The following NISCH variants were observed in gnomAD, a reference collection of about 807,000 sequenced individuals.
NISCH encodes the protein nischarin.
In NISCH, 55 loss-of-function variants were observed where a neutral mutation model predicts 138.4. The observed-to-expected ratio is 0.40, with a 90% CI of 0.32 to 0.50. The LOEUF is 0.50. NISCH is among the 20% of genes least tolerant of loss of function. The probability of loss-of-function intolerance (pLI) is 0.71; values close to 1 mark genes in which losing one functional copy is unlikely to be tolerated. For synonymous variants in NISCH, 860 were observed against 861.5 expected, an observed-to-expected ratio of 1.00 and a Z score of 0.03; for missense variants, 1,643 against 2,005.5, an observed-to-expected ratio of 0.82 and a Z score of 3.45.
Position 52,491,377 on chromosome 3 carries a change from G to A in NISCH, c.3768G>A (p.Thr1256=), listed in dbSNP as rs1322282690. The A allele has an allele frequency of 5.0e-6, 8 of 1,612,658 alleles. No homozygotes were observed. In the African/African-American group the frequency reaches 6.7e-5, roughly 13 times the overall value. The change falls in exon 20 of 21, where the codon ACG becomes ACA. Residue 1256 remains threonine, a synonymous_variant. Transcript: ENST00000345716. ...LTGSTPMQVV[T]CLTRDSYLTH... ...GTTCCACCCCGATGCAGGTGGTCAC[G>A]TGCTTGACGCGGGACAGCTACCTGA... is the stretch of plus-strand genomic sequence containing the variant.
At chr3:52,480,462 G>C in intron 13 of NISCH, 167 bp downstream of exon 13, 2 of 1,536,258 alleles carry the variant, frequency 1.3e-6, no homozygotes, top group Non-Finnish European at 1.7e-6. Context: ...CACATGGCAG[G>C]GGTGCCTGGC....
intron 20 of NISCH, 127 bp downstream of exon 20, chr3:52,491,640 G>T: frequency 1.6e-6 from 2 of 1,217,830 alleles, no homozygotes; most frequent in Non-Finnish European, 2.2e-6. Context: ...GCTGGCCAGG[G>T]TTTTATGTGG....
intron 15 of NISCH, among the ~76,000 whole-genome samples, chr3:52,486,855 C>T (rs1707413924): frequency 6.6e-6 from 1 of 152,226 alleles, no homozygotes; most frequent in Non-Finnish European, 1.5e-5. Flanking sequence ...AGTGTTCCTT[C>T]TCTCCGGGGC....
At chr3:52,481,866 T>C in intron 13 of NISCH, 1 of 985,532 alleles carries the variant, frequency 1.0e-6, no homozygotes, top group Non-Finnish European at 1.2e-6. Flanking sequence ...CTTCTGGACA[T>C]GGCCTCCAGA....
At chr3:52,489,233 G>A in intron 16 of NISCH, 103 bp from the exon 17 acceptor site, 2 of 1,385,798 alleles carry the variant, frequency 1.4e-6, no homozygotes, top group Non-Finnish European at 2.0e-6. Context: ...GTAACCCAGA[G>A]GTGATGTGTG....
In NISCH at chr3:52,492,752, G is replaced by A. The variant is rs1207630750; in HGVS notation, c.*270G>A. The A allele has an allele frequency of 8.2e-6, 4 of 488,878 alleles. No individual in the cohort carries two copies. Among genetic ancestry groups the A allele is most frequent in the Non-Finnish European group, 1.4e-5 (4 of 275,944 alleles). The allele number at this position is 488,878 out of a possible 1,614,324, so 30.3% of individuals were successfully genotyped here. A position where few individuals can be genotyped will look rare whatever the true frequency, so the allele number is the denominator to read the frequency against. ...GTGTCGTGTCTGCTGTTGTGGGACC[G>A]TTGTTAACACGTGACACTGTGGGTC... On this transcript the variant is annotated 3_prime_UTR_variant, in exon 21 of 21. Coordinates refer to ENST00000345716, the MANE Select transcript of NISCH (RefSeq NM_007184.4).
intron 13 of NISCH, chr3:52,480,514 C>T (rs991877784): frequency 6.6e-6 from 10 of 1,511,422 alleles, no homozygotes; most frequent in Non-Finnish European, 8.8e-6. Context: ...CTCCCAATTG[C>T]TCTGATGCCC....
chr3:52,491,460 C>T lies in NISCH; in HGVS notation c.3851C>T (p.Ser1284Leu), dbSNP rs201322926. 1.2e-5 allele frequency: 19 copies of T among 1,613,472 alleles called. No individual in the cohort carries two copies. Among genetic ancestry groups the T allele is most frequent in the Admixed American group, 8.3e-5 (5 of 60,010 alleles). The change falls in exon 20 of 21, where the codon TCG becomes TTG. Residue 1284 changes from serine to leucine, a missense_variant. Coordinates refer to ENST00000345716, the MANE Select transcript of NISCH (RefSeq NM_007184.4). ...CTGTCCTCTCTGGAACGCACGCCCT[C>T]GCCGGAGCCTGTTGACAAGGACTTC... ...VVLSSLERTP[S>L]PEPVDKDFYS...
rs770193789 is a variant in NISCH at position 52,473,723 on chromosome 3, C to A, written c.670-11C>A. 1 of 1,570,984 alleles carries A rather than the reference C, an allele frequency of 6.4e-7. No homozygotes were observed. The highest frequency in any genetic ancestry group is 2.3e-5 in the East Asian group (1 of 43,896). On this transcript the variant is annotated splice_polypyrimidine_tract_variant and intron_variant, in intron 6 of 20. Coordinates refer to ENST00000345716, the MANE Select transcript of NISCH (RefSeq NM_007184.4). The stretch of plus-strand genomic sequence containing the variant: ...ATTCTGTTTCTGAGATGCAGCTGTT[C>A]TTTGTTCCAGATAAGTCACTGTGAT...
At chr3:52,481,813 TC>T in intron 13 of NISCH, 1 of 985,372 alleles carries the variant, frequency 1.0e-6, no homozygotes, top group African/African-American at 1.7e-5. Flanking sequence ...CTGGGGACAC[TC>T]TGCAGAGGGG....
At chr3:52,482,345 C>A (rs866663441) in intron 13 of NISCH, among the ~76,000 whole-genome samples, 70 of 152,218 alleles carry the variant, frequency 4.6e-4, no homozygotes, top group African/African-American at 1.6e-3. Flanking sequence ...CCCAGCCTCC[C>A]GTCGTGGCAG....
chr3:52,490,268 G>A (rs1707527083), intron 18 of NISCH, 37 bp downstream of exon 18: 5 of 1,605,336 alleles, frequency 3.1e-6, no homozygotes, highest in Admixed American at 1.7e-5. Flanking sequence ...GGAGCTTGGA[G>A]TGTGTGGTTG....
At chr3:52,484,462 T>TTGGCCGCCCCC in intron 13 of NISCH, 51 bp from the exon 14 acceptor site, 1 of 788,670 alleles carries the variant, frequency 1.3e-6, no homozygotes, top group Non-Finnish European at 1.8e-6. Flanking sequence ...ACAGCCGCTC[T>TTGGCCGCCCCC]CCCCGCCCCA....
chr3:52,471,615 T>C lies in NISCH; in HGVS notation c.410-199T>C, dbSNP rs529128406. On this transcript the variant is annotated intron_variant, in intron 4 of 20. Coordinates refer to ENST00000345716, the MANE Select transcript of NISCH (RefSeq NM_007184.4). ...ACAGCCCCACAGCCCTGCCCTCCTC[T>C]GTCATCACATGTCTAGGGTTGCCCT... The C allele has an allele frequency of 7.1e-4, 431 of 608,014 alleles. 2 individuals are homozygous for C. The highest frequency in any genetic ancestry group is 4.9e-3 in the South Asian group (249 of 50,364). The allele number at this position is 608,014 out of a possible 1,614,324, so 37.7% of individuals were successfully genotyped here. A position where few individuals can be genotyped will look rare whatever the true frequency, so the allele number is the denominator to read the frequency against.
chr3:52,483,371 A>G (rs1299315829), intron 13 of NISCH, among the ~76,000 whole-genome samples: 1 of 152,170 alleles, frequency 6.6e-6, no homozygotes, highest in African/African-American at 2.4e-5. Flanking sequence ...AGGTAGGCCT[A>G]GGGCTCCTGT....
At chr3:52,475,380 C>G (rs550431807) in intron 7 of NISCH, among the ~76,000 whole-genome samples, 1 of 152,290 alleles carries the variant, frequency 6.6e-6, no homozygotes, top group Admixed American at 6.5e-5. Flanking sequence ...TTTTGATGGT[C>G]TCTGGGCTTT....
At chr3:52,472,118 A>G (rs1706967722) in intron 5 of NISCH, 141 bp downstream of exon 5, 7 of 1,063,306 alleles carry the variant, frequency 6.6e-6, no homozygotes, top group Admixed American at 2.5e-5. Context: ...TCTTGGCACT[A>G]TGCTTCTGGC....
rs555848853 is a variant in NISCH at position 52,461,071 on chromosome 3, C to T, written c.360+2227C>T. Among the ~76,000 whole-genome samples, 64 of 152,132 alleles carry T rather than the reference C, an allele frequency of 4.2e-4. No individual in the cohort carries two copies. The Middle Eastern group carries it at 0.014, about 32-fold the overall frequency. On this transcript the variant is annotated intron_variant, in intron 3 of 20. Transcript: ENST00000345716. The stretch of plus-strand genomic sequence containing the variant: ...CCTGGCCAACATAGCGAAACCCTGT[C>T]GCTACTAAAAATACAAAAATTAGCT...
At position 52,485,543 on chromosome 3, in the gene NISCH, G is replaced by A. The variant is rs755430838; in HGVS notation, c.1654-235G>A. Among the ~76,000 whole-genome samples, 31 of 152,184 alleles carry A rather than the reference G, an allele frequency of 2.0e-4. 1 individual carries two copies. Among genetic ancestry groups the A allele is most frequent in the Non-Finnish European group, 4.0e-4 (27 of 68,030 alleles). On this transcript the variant is annotated intron_variant, in intron 14 of 20. Transcript: ENST00000345716. ...GCGAGAGGCTCTGGCCCTAGGTTGC[G>A]AGTGGGAATCCCAGCCCTGCTGTGT... is the stretch of plus-strand genomic sequence containing the variant.
Sources: allele counts gnomAD v4.1 joint callset (sites outside exome capture counted in the v4.1 genomes callset), GRCh38; gene constraint gnomAD v4.1.1; transcripts MANE v1.5; gene names NCBI Gene and HGNC (gene_info 2026-07-23, HGNC 2026-07-21).